The following TMEM74 variants were observed in gnomAD, a reference collection of about 807,000 sequenced individuals.
TMEM74 encodes transmembrane protein 74.
Under a neutral mutation model 18.1 loss-of-function variants are expected in TMEM74, and 13 were observed. That is an observed-to-expected ratio of 0.72 (90% CI 0.47 to 1.14). The LOEUF (loss-of-function observed/expected upper bound fraction) is 1.14, where lower values mean the gene tolerates loss of function less well. Ranked by LOEUF, TMEM74 falls within the 50% of genes most tolerant of loss-of-function variation. The pLI, the probability that TMEM74 is intolerant of heterozygous loss-of-function variation, is 0.00. For missense variants in TMEM74, 372 were observed against 375.9 expected (o/e 0.99, Z 0.09); for synonymous variants, 159 against 146.6 (o/e 1.08, Z -0.61).
intron 1 of TMEM74, among the ~76,000 whole-genome samples, chr8:108,679,379 T>G (rs1354576844): frequency 2.0e-5 from 3 of 152,176 alleles, no homozygotes; most frequent in Non-Finnish European, 4.4e-5. Context: ...GTAAAAGTGT[T>G]CCTATTTCTC....
chr8:108,617,665 C>T (rs1163676837), intron 2 of TMEM74, among the ~76,000 whole-genome samples: 2 of 151,826 alleles, frequency 1.3e-5, no homozygotes, highest in East Asian at 3.9e-4. Flanking sequence ...CAGGAAGAAC[C>T]CAGACCCCAT....
At chr8:108,684,131 G>A (rs1014223617) in intron 1 of TMEM74, among the ~76,000 whole-genome samples, 1 of 152,068 alleles carries the variant, frequency 6.6e-6, no homozygotes, top group Admixed American at 6.6e-5. Flanking sequence ...CAATGGGGTT[G>A]CTGGATCATA....
intron 1 of TMEM74, among the ~76,000 whole-genome samples, chr8:108,693,871 T>C (rs1813253917): frequency 1.3e-5 from 2 of 152,262 alleles, no homozygotes; most frequent in Non-Finnish European, 2.9e-5. Flanking sequence ...ATGTCTACTT[T>C]AATGACCACG....
chr8:108,616,437 C>T (rs1812384583), intron 2 of TMEM74, among the ~76,000 whole-genome samples: 1 of 152,052 alleles, frequency 6.6e-6, no homozygotes, highest in Non-Finnish European at 1.5e-5. Flanking sequence ...ACATCATGCA[C>T]TCATTTTATT....
At chr8:108,756,811 A>AGGAG (rs1813980944) in intron 1 of TMEM74, among the ~76,000 whole-genome samples, 2 of 150,386 alleles carry the variant, frequency 1.3e-5, no homozygotes, top group African/African-American at 4.9e-5. Context: ...GAAGGAAGGA[A>AGGAG]GGAAGGAAGG....
At chr8:108,763,001 T>G (rs1333335484) in intron 1 of TMEM74, among the ~76,000 whole-genome samples, 2 of 152,210 alleles carry the variant, frequency 1.3e-5, no homozygotes, top group East Asian at 3.9e-4. Context: ...ATAAAAATTA[T>G]TAAATAAATG....
chr8:108,623,886 G>T (rs1368074633), intron 2 of TMEM74, among the ~76,000 whole-genome samples: 5 of 152,040 alleles, frequency 3.3e-5, no homozygotes, highest in African/African-American at 9.7e-5. Flanking sequence ...CCTACACAGG[G>T]CACTCCCCCT....
chr8:108,695,947 C>T (rs1184307507), intron 1 of TMEM74, among the ~76,000 whole-genome samples: 1 of 152,154 alleles, frequency 6.6e-6, no homozygotes, highest in Admixed American at 6.5e-5. Flanking sequence ...CTGTGCTCTG[C>T]CCTCTGCTGT....
intron 2 of TMEM74, among the ~76,000 whole-genome samples, chr8:108,623,143 G>A (rs1424705938): frequency 6.6e-6 from 1 of 152,056 alleles, no homozygotes; most frequent in Non-Finnish European, 1.5e-5. Flanking sequence ...TTTAGAAATA[G>A]TTAAGTGTAA....
chr8:108,615,724 T>C (rs1314226312), intron 2 of TMEM74, among the ~76,000 whole-genome samples: 2 of 150,442 alleles, frequency 1.3e-5, no homozygotes, highest in Non-Finnish European at 3.0e-5. Flanking sequence ...CCTCAGCATG[T>C]CCCGTGGGGA....
intron 1 of TMEM74, among the ~76,000 whole-genome samples, chr8:108,764,434 T>TA (rs1438465954): frequency 6.6e-6 from 1 of 152,150 alleles, no homozygotes; most frequent in African/African-American, 2.4e-5. Context: ...AAGGTGAGAA[T>TA]AAAGTTCTGG....
chr8:108,659,876 T>C (rs74374929), intron 1 of TMEM74, among the ~76,000 whole-genome samples: 3 of 152,028 alleles, frequency 2.0e-5, no homozygotes, highest in Non-Finnish European at 4.4e-5. Context: ...CTGGTCTACA[T>C]CCAATTACTC....
intron 2 of TMEM74, among the ~76,000 whole-genome samples, chr8:108,615,108 C>T (rs1263334314): frequency 2.0e-5 from 3 of 152,144 alleles, no homozygotes; most frequent in Admixed American, 6.5e-5. Flanking sequence ...AGAGGGGATA[C>T]ATAGAAAAGT....
chr8:108,695,378 G>C (rs111882731), intron 1 of TMEM74, among the ~76,000 whole-genome samples: 7 of 152,098 alleles, frequency 4.6e-5, no homozygotes, highest in Admixed American at 4.6e-4. Context: ...CAAGCACTTG[G>C]GTACTTACCT....
chr8:108,652,475 T>C (rs1586248199), intron 2 of TMEM74: 2 of 398,128 alleles, frequency 5.0e-6, no homozygotes, highest in East Asian at 5.0e-5. Context: ...TTTCTGCAGA[T>C]TGATGCAGAA....
At chr8:108,641,909 AC>A (rs1482862223) in intron 2 of TMEM74, among the ~76,000 whole-genome samples, 1 of 152,002 alleles carries the variant, frequency 6.6e-6, no homozygotes, top group Admixed American at 6.6e-5. Context: ...GGAGCACTGA[AC>A]TGCTCTCAGG....
intron 1 of TMEM74, among the ~76,000 whole-genome samples, chr8:108,730,435 GACA>G (rs1813682167): frequency 6.6e-6 from 1 of 152,110 alleles, no homozygotes; most frequent in Admixed American, 6.5e-5. Flanking sequence ...ACACAATCAA[GACA>G]ACTGTCTACA....
chr8:108,785,047 C>T lies in TMEM74; in HGVS notation c.52G>A (p.Ala18Thr). The change falls in exon 2 of 2, where the codon GCC (alanine) becomes ACC (threonine). Residue 18 changes from alanine (A) to threonine (T), a missense_variant. Transcript: ENST00000297459. ...AGCCCTCTTGAACTCCAGTCCCTGG[C>T]ATCACAGAGGTCTGCCTGGTTGCTC... is the stretch of plus-strand genomic sequence containing the variant. Reference protein sequence around the residue: ...KKSNQADLCDARDWSSRGLPG... With the variant: ...KKSNQADLCDTRDWSSRGLPG... 1 of 1,613,712 alleles carries T rather than the reference C, an allele frequency of 6.2e-7. No homozygotes were observed. Among genetic ancestry groups the T allele is most frequent in the South Asian group, 1.1e-5 (1 of 90,986 alleles).
intron 1 of TMEM74, among the ~76,000 whole-genome samples, chr8:108,678,513 C>T (rs1251207332): frequency 2.0e-5 from 3 of 150,152 alleles, no homozygotes; most frequent in African/African-American, 7.3e-5. Flanking sequence ...TACAGGCACC[C>T]ACCCCTGCAC....
Sources: gnomAD v4.1 joint callset for allele counts (sites outside exome capture counted in the v4.1 genomes callset) on GRCh38, gnomAD v4.1.1 for gene constraint, MANE v1.5 for transcripts, NCBI Gene and HGNC (gene_info 2026-07-23, HGNC 2026-07-21) for gene names.